The following CORIN variants were observed in gnomAD, a reference collection of about 807,000 sequenced individuals.
CORIN encodes corin, serine peptidase, also known as atrial natriuretic peptide-converting enzyme.
In CORIN, 117 loss-of-function variants were observed where a neutral mutation model predicts 125.3. That is an observed-to-expected ratio of 0.93 (90% confidence interval 0.80 to 1.09). The LOEUF (loss-of-function observed/expected upper bound fraction) is 1.09. Ranked by LOEUF, CORIN falls within the 50% of genes least tolerant of loss-of-function variation. The pLI is 0.00. For synonymous variants in CORIN, 450 were observed against 466.4 expected (o/e 0.96, Z 0.45); for missense variants, 1,253 against 1,306.7 (o/e 0.96, Z 0.63).
At chr4:47,738,732 T>A (rs528696328) in intron 5 of CORIN, among the ~76,000 whole-genome samples, 18 of 152,304 alleles carry the variant, frequency 1.2e-4, no homozygotes, top group African/African-American at 3.6e-4. Flanking sequence ...CTGAGGAAGC[T>A]CAGACATTGA....
chr4:47,835,731 C>T (rs1055125989), intron 1 of CORIN, among the ~76,000 whole-genome samples: 1 of 152,188 alleles, frequency 6.6e-6, no homozygotes, highest in East Asian at 1.9e-4. Flanking sequence ...CAAAAGGAAA[C>T]CACAGCTGGT....
chr4:47,692,510 T>C (rs989931096), intron 6 of CORIN, among the ~76,000 whole-genome samples: 2 of 152,044 alleles, frequency 1.3e-5, no homozygotes, highest in Non-Finnish European at 2.9e-5. Flanking sequence ...TAGTGGATTT[T>C]AAACAGTTAG....
intron 6 of CORIN, among the ~76,000 whole-genome samples, chr4:47,684,861 G>A (rs768629809): frequency 9.9e-5 from 15 of 152,094 alleles, no homozygotes; most frequent in Non-Finnish European, 1.9e-4. Flanking sequence ...AAAAACACAT[G>A]AAAAGGTGCT....
chr4:47,834,419 CAG>C (rs1244249212), intron 1 of CORIN, among the ~76,000 whole-genome samples: 1 of 152,076 alleles, frequency 6.6e-6, no homozygotes, highest in African/African-American at 2.4e-5. Flanking sequence ...CTCATAGAAG[CAG>C]AGAGTGGAAT....
At chr4:47,806,763 G>C in intron 2 of CORIN, 140 bp downstream of exon 2, 1 of 807,956 alleles carries the variant, frequency 1.2e-6, no homozygotes, top group Non-Finnish European at 1.9e-6. Flanking sequence ...TGAAACTGCA[G>C]ATTTGCATAA....
intron 20 of CORIN, among the ~76,000 whole-genome samples, chr4:47,601,830 G>C (rs1407536475): frequency 6.6e-6 from 1 of 151,952 alleles, no homozygotes; most frequent in Non-Finnish European, 1.5e-5. Flanking sequence ...TTTCCTTTCT[G>C]TTCTGTAATT....
At chr4:47,790,641 A>G (rs1372215551) in intron 2 of CORIN, among the ~76,000 whole-genome samples, 1 of 152,162 alleles carries the variant, frequency 6.6e-6, no homozygotes, top group African/African-American at 2.4e-5. Flanking sequence ...TTTTGGCACT[A>G]AGTTCTCCGT....
In CORIN at chr4:47,685,406, A is replaced by G. The variant is rs192050330; in HGVS notation, c.914-1568T>C. On this transcript the variant is annotated intron_variant, in intron 6 of 21. Coordinates refer to ENST00000273857, the MANE Select transcript of CORIN (RefSeq NM_006587.4). ...AAAGTTACGCTGTGTGAAAGAAATC[A>G]GATACAAAAATTACATATTATATGA... Among the ~76,000 whole-genome samples, 416 of 152,346 alleles carry G rather than the reference A, an allele frequency of 2.7e-3. 2 individuals carry two copies. The highest frequency in any genetic ancestry group is 9.3e-3 in the African/African-American group (387 of 41,584).
rs566114340 is a variant in CORIN, at chr4:47,706,476, T to C, written c.800-13393A>G. On this transcript the variant is annotated intron_variant, in intron 5 of 21. Coordinates refer to ENST00000273857, the MANE Select transcript of CORIN (RefSeq NM_006587.4). ...GCTGGCAGTACCGCCAGCTCTCTGCTCTTCACAGGGCTCCCCGCCCCACCC... is the reference window on the plus strand; with the variant it reads ...GCTGGCAGTACCGCCAGCTCTCTGCCCTTCACAGGGCTCCCCGCCCCACCC... 3.6e-5 allele frequency: 58 copies of C among 1,611,498 alleles called. 2 individuals are homozygous for C. The South Asian group carries it at 5.6e-4, about 16-fold the overall frequency.
chr4:47,701,309 T>A (rs1726282955), intron 5 of CORIN, among the ~76,000 whole-genome samples: 1 of 152,192 alleles, frequency 6.6e-6, no homozygotes, highest in Admixed American at 6.5e-5. Context: ...TCAGAGAAAA[T>A]CCCAAACAAC....
intron 1 of CORIN, among the ~76,000 whole-genome samples, chr4:47,818,848 A>C (rs976635196): frequency 6.6e-6 from 1 of 151,320 alleles, no homozygotes; most frequent in African/African-American, 2.4e-5. Flanking sequence ...ACTCCAGCCT[A>C]AGTGACAGAG....
At chr4:47,681,303 G>A (rs1725267720) in intron 7 of CORIN, 1 of 152,282 alleles carries the variant, frequency 6.6e-6, no homozygotes, top group African/African-American at 2.4e-5. Flanking sequence ...AGAAGTGCTT[G>A]GGCAGGAACC....
At chr4:47,833,235 G>T (rs116510175) in intron 1 of CORIN, among the ~76,000 whole-genome samples, 1 of 151,984 alleles carries the variant, frequency 6.6e-6, no homozygotes, top group Non-Finnish European at 1.5e-5. Flanking sequence ...AAACAGAAGA[G>T]AGATCCCAGA....
rs1726549463 is a variant in CORIN, at chr4:47,706,343, G to A, written c.800-13260C>T. ...GAAAACTACCAACTTTTGCCTTTCC[G>A]TCTGGCGGCAGCCATCAGGTAAGCC... On this transcript the variant is annotated intron_variant, in intron 5 of 21. Coordinates refer to ENST00000273857, the MANE Select transcript of CORIN (RefSeq NM_006587.4). 6 of 1,544,592 alleles carry A rather than the reference G, an allele frequency of 3.9e-6. No homozygotes were observed. The Admixed American group carries it at 5.1e-5, about 13-fold the overall frequency.
chr4:47,837,610 G>A (rs969522602), intron 1 of CORIN: 5 of 559,048 alleles, frequency 8.9e-6, no homozygotes, highest in Non-Finnish European at 1.6e-5. Flanking sequence ...TCCGGATCGA[G>A]CCGACTCGAA....
intron 12 of CORIN, among the ~76,000 whole-genome samples, chr4:47,659,621 G>A (rs748785189): frequency 1.1e-4 from 16 of 152,072 alleles, no homozygotes; most frequent in African/African-American, 3.9e-4. Context: ...TCATGTGAAC[G>A]CAGAGCAAGA....
chr4:47,749,755 C>T (rs754733604), intron 4 of CORIN, among the ~76,000 whole-genome samples: 18 of 152,196 alleles, frequency 1.2e-4, no homozygotes, highest in Non-Finnish European at 2.4e-4. Context: ...TGACAAGACT[C>T]ACACAATCAT....
chr4:47,600,825 G>T (rs771809123), intron 20 of CORIN, among the ~76,000 whole-genome samples: 5 of 152,176 alleles, frequency 3.3e-5, no homozygotes, highest in Non-Finnish European at 5.9e-5. Context: ...GCCTCAATAT[G>T]TGCCCCAGCA....
At chr4:47,785,909 C>CA (rs11313881) in intron 3 of CORIN, among the ~76,000 whole-genome samples, 1,081 of 80,148 alleles carry the variant, frequency 0.013, 11 homozygotes, top group African/African-American at 0.043. Flanking sequence ...GACTCCATCT[C>CA]AAAAAAAAAA....
Sources: allele counts gnomAD v4.1 joint callset (sites outside exome capture counted in the v4.1 genomes callset), GRCh38; gene constraint gnomAD v4.1.1; transcripts MANE v1.5; gene names NCBI Gene and HGNC (gene_info 2026-07-23, HGNC 2026-07-21).